The following ZNF837 variants were observed in gnomAD, a reference collection of about 807,000 sequenced individuals.
The protein encoded by ZNF837 is zinc finger protein 837.
For missense variants in ZNF837, 955 were observed against 801.7 expected (o/e 1.19, Z -2.31); for synonymous variants, 475 against 365.2 (o/e 1.30, Z -3.43).
At position 58,369,233 on chromosome 19, in the gene ZNF837, G is replaced by T. The variant is rs1405532959; in HGVS notation, c.100C>A (p.Pro34Thr). The change falls in exon 3 of 3, where the codon CCC becomes ACC. Residue 34 changes from proline to threonine, a missense_variant. Pro to Thr is a conservative substitution (Grantham distance 38). Coordinates refer to ENST00000597582, the MANE Select transcript of ZNF837 (RefSeq NM_138466.2). ...CTCCCAGCTCGGTCCTCTTCGAGGG[G>T]CCTCGGCTCCTCGGGCCTCTTCTCC... Reference protein sequence around the residue: ...AREKRPEEPRPLEEDRAGSRP... With the variant: ...AREKRPEEPRTLEEDRAGSRP... 2.8e-6 allele frequency: 4 copies of T among 1,428,276 alleles called. No individual in the cohort carries two copies. Among genetic ancestry groups the T allele is most frequent in the African/African-American group, 1.5e-5 (1 of 66,212 alleles). 88.5% of individuals were successfully genotyped at this position (1,428,276 alleles called of 1,614,324 possible).
intron 1 of ZNF837, among the ~76,000 whole-genome samples, chr19:58,380,621 G>T (rs2052282203): frequency 6.6e-6 from 1 of 152,214 alleles, no homozygotes; most frequent in South Asian, 2.1e-4. Flanking sequence ...CGGCTAGCAG[G>T]TGGGCTTGAC....
intron 1 of ZNF837, among the ~76,000 whole-genome samples, chr19:58,378,179 T>C (rs1015117018): frequency 2.0e-5 from 3 of 152,180 alleles, no homozygotes; most frequent in Non-Finnish European, 2.9e-5. Context: ...TCCCCAGCCA[T>C]AGACTCTGAT....
Position 58,375,309 on chromosome 19 carries a change from T to TATATATATATATAA in ZNF837, c.-139-5382_-139-5381insTTATATATATATAT, listed in dbSNP as rs1429633854. 1.4e-4 allele frequency among the ~76,000 whole-genome samples: 6 copies of TATATATATATATAA among 41,758 alleles called. 1 individual carries two copies. Among genetic ancestry groups the TATATATATATATAA allele is most frequent in the African/African-American group, 2.0e-4 (4 of 19,966 alleles). 27.4% of individuals were successfully genotyped at this position (41,758 alleles called of 152,430 possible). On this transcript the variant is annotated intron_variant, in intron 1 of 2. Transcript: ENST00000597582. ...ATATATATATATATATATATATATA[T>TATATATATATATAA]ATAAAATTACATATATACTTAAGAG...
At chr19:58,379,340 A>G (rs2052272812) in intron 1 of ZNF837, among the ~76,000 whole-genome samples, 1 of 152,182 alleles carries the variant, frequency 6.6e-6, no homozygotes, top group Admixed American at 6.5e-5. Flanking sequence ...TGCTGCAACA[A>G]GAACCTGCCT....
intron 1 of ZNF837, among the ~76,000 whole-genome samples, chr19:58,375,313 A>ATATATAT (rs1568568408): frequency 0.021 from 720 of 34,478 alleles, 74 homozygotes; most frequent in Non-Finnish European, 0.027. Context: ...TATATATATA[A>ATATATAT]AATTACATAT....
chr19:58,368,985 C>T lies in ZNF837; in HGVS notation c.348G>A (p.Arg116=). 6.6e-7 allele frequency: 1 copy of T among 1,525,304 alleles called. No homozygotes were observed. Among genetic ancestry groups the T allele is most frequent in the Non-Finnish European group, 8.8e-7 (1 of 1,132,908 alleles). 94.5% of individuals were successfully genotyped at this position (1,525,304 alleles called of 1,614,324 possible). A position where few individuals can be genotyped will look rare whatever the true frequency, so the allele number is the denominator to read the frequency against. The part of the protein sequence containing the change: ...EGLQAREGPC[R]SPARGGDCSR... ...TGCAGTCCCCGCCACGCGCTGGGCT[C>T]CTACAGGGGCCCTCCCGGGCTTGCA... Residue 116 remains arginine (R), a synonymous_variant, in exon 3 of 3, where the codon AGG becomes AGA. Coordinates refer to ENST00000597582, the MANE Select transcript of ZNF837 (RefSeq NM_138466.2).
chr19:58,372,121 C>G (rs1216434890), intron 1 of ZNF837, among the ~76,000 whole-genome samples: 1 of 151,928 alleles, frequency 6.6e-6, no homozygotes, highest in African/African-American at 2.4e-5. Context: ...GTGGCACAAT[C>G]TCAGCTCACC....
intron 1 of ZNF837, among the ~76,000 whole-genome samples, chr19:58,378,492 T>C (rs568081402): frequency 4.9e-4 from 75 of 152,266 alleles, no homozygotes; most frequent in African/African-American, 9.6e-4. Context: ...CCTAGAACTC[T>C]AGGGACTTAG....
chr19:58,369,610 G>A, intron 2 of ZNF837: 1 of 334,408 alleles, frequency 3.0e-6, no homozygotes, highest in Non-Finnish European at 5.4e-6. Flanking sequence ...CCCAACACTA[G>A]CTCCTAAAAC....
chr19:58,379,961 C>G (rs143531444), intron 1 of ZNF837, among the ~76,000 whole-genome samples: 293 of 152,174 alleles, frequency 1.9e-3, no homozygotes, highest in African/African-American at 6.6e-3. Context: ...CGCCACTGCA[C>G]TCCAGCCTGG....
intron 1 of ZNF837, among the ~76,000 whole-genome samples, chr19:58,371,110 G>A (rs190963054): frequency 4.2e-4 from 64 of 152,040 alleles, no homozygotes; most frequent in East Asian, 2.3e-3. Flanking sequence ...GCGTGGTGGC[G>A]GGCGCCTGTA....
At position 58,368,329 on chromosome 19, in the gene ZNF837, C is replaced by CGCCGCGCCAGGACGGG; in HGVS notation, c.988_1003dup (p.Arg335ProfsTer233). On this transcript the variant is annotated frameshift_variant, in exon 3 of 3. Transcript: ENST00000597582. LOFTEE classifies it low-confidence loss of function (END_TRUNC). ...GGGCGGGCACCCCAGCCGGAAGGCG[C>CGCCGCGCCAGGACGGG]GCCGCGCCAGGACGGGGCCACGCCG... 1 of 1,503,810 alleles carries CGCCGCGCCAGGACGGG rather than the reference C, an allele frequency of 6.6e-7. No individual in the cohort carries two copies. Among genetic ancestry groups the CGCCGCGCCAGGACGGG allele is most frequent in the Non-Finnish European group, 8.8e-7 (1 of 1,134,368 alleles). The allele number at this position is 1,503,810 out of a possible 1,614,324, so 93.2% of individuals were successfully genotyped here.
At position 58,369,115 on chromosome 19, in the gene ZNF837, C is replaced by T; in HGVS notation, c.218G>A (p.Ser73Asn). 3.3e-6 allele frequency: 5 copies of T among 1,496,938 alleles called. No homozygotes were observed. The highest frequency in any genetic ancestry group is 4.4e-6 in the Non-Finnish European group (5 of 1,124,262). The allele number at this position is 1,496,938 out of a possible 1,614,324, so 92.7% of individuals were successfully genotyped here. A position where few individuals can be genotyped will look rare whatever the true frequency, so the allele number is the denominator to read the frequency against. ...GCTGTGCCGGGTCCCCGGGCCGGGG[C>T]TCACCCCGAGGCTGCAGCCCCGGGA... ...GGSRGCSLGV[S>N]PGPGTRHSAG... Residue 73 changes from serine to asparagine, a missense_variant, in exon 3 of 3, where the codon AGC becomes AAC. By Grantham distance (46) the Ser-to-Asn change is conservative (BLOSUM62 1). Coordinates refer to ENST00000597582, the MANE Select transcript of ZNF837 (RefSeq NM_138466.2).
intron 1 of ZNF837, among the ~76,000 whole-genome samples, chr19:58,377,218 A>AAT: frequency 6.7e-6 from 1 of 149,006 alleles, no homozygotes; most frequent in Non-Finnish European, 1.5e-5. Context: ...CTCCGTCAAA[A>AAT]AAAAAAAAAA....
chr19:58,369,057 G>T lies in ZNF837; in HGVS notation c.276C>A (p.Cys92Ter). The change falls in exon 3 of 3, where the codon TGC (cysteine) becomes TGA (stop). Residue 92 changes from cysteine to a stop codon, truncating the protein, a stop_gained. Coordinates refer to ENST00000597582, the MANE Select transcript of ZNF837 (RefSeq NM_138466.2). LOFTEE classifies it low-confidence loss of function (END_TRUNC). Reference sequence around the variant, plus strand: ...CAGGGTTCTGAGAAGAGGTGGGGCCGCACGGCTCCCGCACGAGGGGTCTGG... The same window carrying T: ...CAGGGTTCTGAGAAGAGGTGGGGCCTCACGGCTCCCGCACGAGGGGTCTGG... ...AGTRPLVREP[C>*]GPTSSQNPEL... 6.6e-7 allele frequency: 1 copy of T among 1,518,058 alleles called. No homozygotes were observed. Among genetic ancestry groups the T allele is most frequent in the Non-Finnish European group, 8.8e-7 (1 of 1,132,104 alleles). 94.0% of individuals were successfully genotyped at this position (1,518,058 alleles called of 1,614,324 possible). A position where few individuals can be genotyped will look rare whatever the true frequency, so the allele number is the denominator to read the frequency against.
chr19:58,378,810 A>G (rs2052268997), intron 1 of ZNF837, among the ~76,000 whole-genome samples: 1 of 152,140 alleles, frequency 6.6e-6, no homozygotes. Context: ...AGGCAAAGGG[A>G]GTTCTGACAC....
chr19:58,374,084 A>G (rs970081614), intron 1 of ZNF837, among the ~76,000 whole-genome samples: 2 of 152,166 alleles, frequency 1.3e-5, no homozygotes, highest in Middle Eastern at 3.2e-3. Context: ...ACACACTCCC[A>G]CCTGGCTGGT....
intron 1 of ZNF837, among the ~76,000 whole-genome samples, chr19:58,371,468 T>A (rs1461770306): frequency 1.3e-5 from 2 of 152,184 alleles, no homozygotes; most frequent in African/African-American, 2.4e-5. Flanking sequence ...TTTCTCAGCC[T>A]CACACGTGAT....
rs2052286316 is a variant in ZNF837, at chr19:58,381,019, C to T, written c.-218G>A. 1 of 152,260 alleles carries T rather than the reference C, an allele frequency of 6.6e-6. No homozygotes were observed. The highest frequency in any genetic ancestry group is 1.5e-5 in the Non-Finnish European group (1 of 68,062). The allele number at this position is 152,260 out of a possible 1,614,324, so 9.4% of individuals were successfully genotyped here. ...AGCCGTCCTCCCGCCACCTCCGGGC[C>T]GCCGCGGCACTGAGGGACCCGGGCC... On this transcript the variant is annotated 5_prime_UTR_variant, in exon 1 of 3. Transcript: ENST00000597582.
Sources: allele counts gnomAD v4.1 joint callset (sites outside exome capture counted in the v4.1 genomes callset), GRCh38; gene constraint gnomAD v4.1.1; transcripts MANE v1.5; gene names NCBI Gene and HGNC (gene_info 2026-07-23, HGNC 2026-07-21).